RPH3AL: variants seen among roughly 807,000 people sequenced by gnomAD.
RPH3AL encodes rabphilin 3A like (without C2 domains).
In RPH3AL, 38 loss-of-function variants were observed where a neutral mutation model predicts 43.1. That is an observed-to-expected ratio of 0.88 (90% CI 0.68 to 1.15). The LOEUF (loss-of-function observed/expected upper bound fraction) is 1.15, where lower values mean the gene tolerates loss of function less well. RPH3AL is among the 50% of genes most tolerant of loss of function. The pLI is 0.00. For missense variants in RPH3AL, 462 were observed against 423.2 expected (o/e 1.09, Z -0.81); for synonymous variants, 189 against 176.3 (o/e 1.07, Z -0.57).
chr17:336,293 G>T (rs886624571), intron 1 of RPH3AL, among the ~76,000 whole-genome samples: 1 of 152,188 alleles, frequency 6.6e-6, no homozygotes, highest in Non-Finnish European at 1.5e-5. Flanking sequence ...GGCGCTGGGA[G>T]GATTAAAGAC....
intron 5 of RPH3AL, 41 bp downstream of exon 5, chr17:319,379 G>A: frequency 6.2e-7 from 1 of 1,602,288 alleles, no homozygotes; most frequent in Non-Finnish European, 8.5e-7. Context: ...GGCTGGTCCA[G>A]GCTGGGAAGC....
intron 1 of RPH3AL, among the ~76,000 whole-genome samples, chr17:351,320 A>G (rs1370927322): frequency 6.6e-6 from 1 of 152,084 alleles, no homozygotes; most frequent in Non-Finnish European, 1.5e-5. Context: ...GACTGTCAAG[A>G]AACACTCCCC....
intron 6 of RPH3AL, among the ~76,000 whole-genome samples, chr17:276,332 G>C (rs1353309928): frequency 4.6e-5 from 7 of 152,166 alleles, no homozygotes; most frequent in African/African-American, 1.7e-4. Context: ...TTTTCTCAAA[G>C]GTCTGGTTTG....
chr17:312,325 G>A (rs2043665610), intron 5 of RPH3AL, among the ~76,000 whole-genome samples: 1 of 152,016 alleles, frequency 6.6e-6, no homozygotes, highest in South Asian at 2.1e-4. Context: ...AGAGGAGGAG[G>A]AGAGACTAGA....
chr17:282,457 C>G (rs1050525958), intron 5 of RPH3AL, among the ~76,000 whole-genome samples: 2 of 152,036 alleles, frequency 1.3e-5, no homozygotes, highest in African/African-American at 4.8e-5. Context: ...CGGTCGGACT[C>G]CAGAGACAGT....
intron 5 of RPH3AL, among the ~76,000 whole-genome samples, chr17:312,780 T>A (rs1023829936): frequency 6.6e-6 from 1 of 152,164 alleles, no homozygotes; most frequent in Non-Finnish European, 1.5e-5. Flanking sequence ...AGAGGTTAAG[T>A]GACTTGTACG....
intron 7 of RPH3AL, among the ~76,000 whole-genome samples, chr17:241,578 G>A (rs1000815513): frequency 1.2e-4 from 19 of 152,122 alleles, no homozygotes; most frequent in African/African-American, 4.6e-4. Context: ...ACCATGCAGA[G>A]TGTTGGGTAA....
At position 290,430 on chromosome 17, in the gene RPH3AL, C is replaced by T. The variant is rs937540155; in HGVS notation, c.352-8576G>A. ...GATGTTTACCAGACCATTCCCATGA[C>T]GGCTCCTGCCTGCCTCCCCCGGGGT... On this transcript the variant is annotated intron_variant, in intron 5 of 9. Transcript: ENST00000331302. The surrounding 1 kb of genome is among the most constrained non-coding windows in gnomAD (Gnocchi z 4.2). Among the ~76,000 whole-genome samples the T allele has an allele frequency of 5.9e-5, 9 of 151,978 alleles. No homozygotes were observed. Among genetic ancestry groups the T allele is most frequent in the African/African-American group, 1.5e-4 (6 of 41,362 alleles).
intron 7 of RPH3AL, among the ~76,000 whole-genome samples, chr17:236,416 GGCCAC>G (rs2041396031): frequency 6.6e-6 from 1 of 152,108 alleles, no homozygotes; most frequent in Admixed American, 6.5e-5. Context: ...GGCCTTAGCT[GGCCAC>G]GCCATCCGTT....
chr17:338,465 A>G (rs932267382), intron 1 of RPH3AL: 2 of 152,260 alleles, frequency 1.3e-5, no homozygotes, highest in African/African-American at 4.8e-5. Context: ...TCAAAAAAAA[A>G]AAAAAAATTT....
chr17:247,558 C>G, intron 6 of RPH3AL: 1 of 421,492 alleles, frequency 2.4e-6, no homozygotes, highest in Non-Finnish European at 4.2e-6. Context: ...CAGTCATCAC[C>G]CGCTGCAGCC....
chr17:263,774 C>A (rs189670036), intron 6 of RPH3AL, among the ~76,000 whole-genome samples: 29 of 152,264 alleles, frequency 1.9e-4, no homozygotes, highest in African/African-American at 6.7e-4. Flanking sequence ...TGTGAAGTTA[C>A]GGTTAGTTTG....
At position 215,842 on chromosome 17, in the gene RPH3AL, G is replaced by A. The variant is rs770929632; in HGVS notation, c.728-40C>T. 56 of 1,300,450 alleles carry A rather than the reference G, an allele frequency of 4.3e-5. No homozygotes were observed. Among genetic ancestry groups the A allele is most frequent in the Middle Eastern group, 2.9e-4 (1 of 3,416 alleles). The allele number at this position is 1,300,450 out of a possible 1,614,324, so 80.6% of individuals were successfully genotyped here. On this transcript the variant is annotated intron_variant, in intron 8 of 9. Transcript: ENST00000331302. The surrounding 1 kb of genome is among the most constrained non-coding windows in gnomAD (Gnocchi z 4.1). The stretch of plus-strand genomic sequence containing the variant: ...GTGTGGGCCCCGTGGATCTCAAACC[G>A]AGACGGGGTGATCTCAGTCCAGTTC...
At chr17:313,684 A>G (rs2043712882) in intron 5 of RPH3AL, among the ~76,000 whole-genome samples, 1 of 152,130 alleles carries the variant, frequency 6.6e-6, no homozygotes, top group Non-Finnish European at 1.5e-5. Context: ...TGACCCTGGA[A>G]AGTCATCTCC....
At chr17:298,793 T>C (rs1341582653) in intron 5 of RPH3AL, among the ~76,000 whole-genome samples, 2 of 152,148 alleles carry the variant, frequency 1.3e-5, no homozygotes, top group Non-Finnish European at 1.5e-5. Flanking sequence ...ACAAACATTG[T>C]AGGATTTCTT....
chr17:314,556 T>G (rs2043811111), intron 5 of RPH3AL, among the ~76,000 whole-genome samples: 1 of 147,594 alleles, frequency 6.8e-6, no homozygotes, highest in Admixed American at 6.8e-5. Context: ...CTGTAGTCTC[T>G]GTGCCCCACC....
intron 7 of RPH3AL, among the ~76,000 whole-genome samples, chr17:231,623 AC>A (rs2041232877): frequency 6.6e-6 from 1 of 152,154 alleles, no homozygotes; most frequent in African/African-American, 2.4e-5. Flanking sequence ...CTGGAGATGG[AC>A]GTGCTTCACT....
intron 5 of RPH3AL, among the ~76,000 whole-genome samples, chr17:307,329 CCA>C (rs2151648384): frequency 2.1e-5 from 3 of 145,462 alleles, no homozygotes; most frequent in Admixed American, 2.1e-4. Context: ...CAGGTCCTCC[CCA>C]CGGCAGGTCC....
intron 3 of RPH3AL, among the ~76,000 whole-genome samples, chr17:326,227 T>A (rs2044617094): frequency 6.6e-6 from 1 of 152,250 alleles, no homozygotes; most frequent in South Asian, 2.1e-4. Flanking sequence ...ACCAGTTAAC[T>A]GTGGTGCAGA....
Sources: gnomAD v4.1 joint callset for allele counts (sites outside exome capture counted in the v4.1 genomes callset) on GRCh38, gnomAD v4.1.1 for gene constraint, Gnocchi (gnomAD v3.1) non-coding constraint, MANE v1.5 for transcripts, NCBI Gene and HGNC (gene_info 2026-07-23, HGNC 2026-07-21) for gene names.